SLC7A1: variants seen among roughly 807,000 people sequenced by gnomAD.
SLC7A1 encodes the protein solute carrier family 7 member 1.
SLC7A1 carries 10 observed loss-of-function variants against 53.9 expected under a neutral mutation model. The ratio of observed to expected loss-of-function variants is 0.19; its 90% confidence interval spans 0.11 to 0.31. SLC7A1 has a LOEUF of 0.31. Ranked by LOEUF, SLC7A1 falls within the 10% of genes least tolerant of loss-of-function variation. The pLI is 1.00. For synonymous variants in SLC7A1, 342 were observed against 338.7 expected (o/e 1.01, Z -0.11); for missense variants, 525 against 827.2 (o/e 0.63, Z 4.48).
At position 29,510,396 on chromosome 13, in the gene SLC7A1, G is replaced by C. The variant is rs1376609998; in HGVS notation, c.*4084C>G. On this transcript the variant is annotated 3_prime_UTR_variant, in exon 13 of 13. Transcript: ENST00000380752. Reference sequence around the variant, plus strand: ...AGCTTCTTGCACCACTGGATCAACAGTAATCAATTTCATGACTCGGATAAG... The same window carrying C: ...AGCTTCTTGCACCACTGGATCAACACTAATCAATTTCATGACTCGGATAAG... The C allele has an allele frequency of 6.6e-6, 1 of 152,554 alleles. No homozygotes were observed. The highest frequency in any genetic ancestry group is 2.4e-5 in the African/African-American group (1 of 41,396). 9.5% of individuals were successfully genotyped at this position (152,554 alleles called of 1,614,324 possible).
intron 2 of SLC7A1, among the ~76,000 whole-genome samples, chr13:29,541,406 A>C (rs1380806702): frequency 1.3e-5 from 2 of 152,236 alleles, no homozygotes; most frequent in Non-Finnish European, 2.9e-5. Flanking sequence ...TAAGACCATC[A>C]GAGGACAGGT....
rs113566114 is a variant in SLC7A1 at position 29,543,127 on chromosome 13, G to C, written c.-14-6925C>G. 2.8e-3 allele frequency among the ~76,000 whole-genome samples: 426 copies of C among 152,310 alleles called. 1 individual carries two copies. The highest frequency in any genetic ancestry group is 9.8e-3 in the African/African-American group (407 of 41,568). On this transcript the variant is annotated intron_variant, in intron 2 of 12. Transcript: ENST00000380752. ...GAAAGCACAGAGTGGTGGGGTTGCGGGGGGTGCGAGGCTATGAACATACAC... is the reference window on the plus strand; with the variant it reads ...GAAAGCACAGAGTGGTGGGGTTGCGCGGGGTGCGAGGCTATGAACATACAC...
At chr13:29,540,543 G>A (rs1399159685) in intron 2 of SLC7A1, among the ~76,000 whole-genome samples, 5 of 152,152 alleles carry the variant, frequency 3.3e-5, no homozygotes, top group East Asian at 1.9e-4. Context: ...ATGGTGTGAC[G>A]TTTTCACCTT....
chr13:29,549,859 G>A (rs1283851021), intron 2 of SLC7A1, among the ~76,000 whole-genome samples: 1 of 152,118 alleles, frequency 6.6e-6, no homozygotes, highest in Non-Finnish European at 1.5e-5. Flanking sequence ...TAGAGACGGG[G>A]TTTCACCATG....
At chr13:29,514,636 C>T in intron 12 of SLC7A1, 53 bp from the exon 13 acceptor site, 3 of 1,395,996 alleles carry the variant, frequency 2.1e-6, no homozygotes, top group Non-Finnish European at 3.0e-6. Flanking sequence ...TGCACCACCG[C>T]AGGCAGGGCT....
chr13:29,516,072 T>C, intron 12 of SLC7A1, 66 bp downstream of exon 12: 1 of 942,226 alleles, frequency 1.1e-6, no homozygotes, highest in Non-Finnish European at 1.7e-6. Flanking sequence ...TGTTATGAAA[T>C]CTGAAACAAG....
intron 1 of SLC7A1, among the ~76,000 whole-genome samples, chr13:29,562,832 T>C (rs555913): frequency 0.094 from 14,315 of 152,198 alleles, 745 homozygotes; most frequent in Middle Eastern, 0.16. Flanking sequence ...CTAAAGGAAA[T>C]GTGGTCAAGG....
intron 1 of SLC7A1, among the ~76,000 whole-genome samples, chr13:29,585,339 A>G (rs1400697354): frequency 1.3e-5 from 2 of 152,228 alleles, no homozygotes; most frequent in East Asian, 3.8e-4. Flanking sequence ...TGTGGCTCAT[A>G]TGTCTAAACC....
chr13:29,593,071 C>T (rs1872173702), intron 1 of SLC7A1, among the ~76,000 whole-genome samples: 1 of 152,192 alleles, frequency 6.6e-6, no homozygotes, highest in Admixed American at 6.5e-5. Context: ...GGCTGCAACA[C>T]ACAGGCAGGC....
At chr13:29,545,553 T>C (rs1869880604) in intron 2 of SLC7A1, among the ~76,000 whole-genome samples, 1 of 152,250 alleles carries the variant, frequency 6.6e-6, no homozygotes. Flanking sequence ...CAGAACTCGC[T>C]GCTCTTCAAA....
chr13:29,511,614 G>A lies in SLC7A1; in HGVS notation c.*2866C>T, dbSNP rs1883393489. On this transcript the variant is annotated 3_prime_UTR_variant, in exon 13 of 13. Coordinates refer to ENST00000380752, the MANE Select transcript of SLC7A1 (RefSeq NM_003045.5). ...CGGCTCCCGAGCCAGCTGCCAACAA[G>A]GCCCCCACTGCCTCCCTGGAGACCC... 2 of 152,276 alleles carry A rather than the reference G, an allele frequency of 1.3e-5. No homozygotes were observed. Among genetic ancestry groups the A allele is most frequent in the Non-Finnish European group, 2.9e-5 (2 of 68,120 alleles). The allele number at this position is 152,276 out of a possible 1,614,324, so 9.4% of individuals were successfully genotyped here. A position where few individuals can be genotyped will look rare whatever the true frequency, so the allele number is the denominator to read the frequency against.
chr13:29,534,024 G>T (rs1052717519), intron 3 of SLC7A1, among the ~76,000 whole-genome samples: 2 of 152,040 alleles, frequency 1.3e-5, no homozygotes, highest in Non-Finnish European at 2.9e-5. Context: ...CTCCTAAGCA[G>T]CCAATCTATT....
chr13:29,526,416 G>A (rs1434629068), intron 5 of SLC7A1, among the ~76,000 whole-genome samples: 2 of 152,126 alleles, frequency 1.3e-5, no homozygotes, highest in Non-Finnish European at 2.9e-5. Context: ...AGGCTGCTTT[G>A]AGCCATGATT....
intron 5 of SLC7A1, among the ~76,000 whole-genome samples, chr13:29,528,083 G>A (rs952448332): frequency 4.6e-5 from 7 of 152,234 alleles, no homozygotes; most frequent in Non-Finnish European, 7.3e-5. Flanking sequence ...CCCGCTGACT[G>A]GAGCTGGAGA....
rs777506692 is a variant in SLC7A1 at position 29,535,877 on chromosome 13, G to A, written c.312C>T (p.Thr104=). 5 of 1,614,156 alleles carry A rather than the reference G, an allele frequency of 3.1e-6. No individual in the cohort carries two copies. Among genetic ancestry groups the A allele is most frequent in the South Asian group, 1.1e-5 (1 of 91,080 alleles). ...TGSAYLYSYV[T]VGELWAFITG... is the part of the protein sequence containing the mutation. ...TGATGAAGGCCCAGAGCTCTCCAACGGTGACATAGCTGTAGAGGTAAGCTG... is the reference window on the plus strand; with the variant it reads ...TGATGAAGGCCCAGAGCTCTCCAACAGTGACATAGCTGTAGAGGTAAGCTG... The change falls in exon 3 of 13, where the codon ACC becomes ACT. Residue 104 remains threonine, a synonymous_variant. Coordinates refer to ENST00000380752, the MANE Select transcript of SLC7A1 (RefSeq NM_003045.5).
intron 1 of SLC7A1, among the ~76,000 whole-genome samples, chr13:29,569,932 C>T (rs1871126180): frequency 6.6e-6 from 1 of 152,208 alleles, no homozygotes; most frequent in Non-Finnish European, 1.5e-5. Flanking sequence ...GCAAACAAAG[C>T]ACACGGCTGC....
chr13:29,579,025 GA>G (rs1424163643), intron 1 of SLC7A1, among the ~76,000 whole-genome samples: 3 of 152,200 alleles, frequency 2.0e-5, no homozygotes, highest in African/African-American at 7.2e-5. Flanking sequence ...TTTTCTACAA[GA>G]AACCTTTCAG....
rs1883401245 is a variant in SLC7A1, at chr13:29,511,809, G to A, written c.*2671C>T. 1 of 152,212 alleles carries A rather than the reference G, an allele frequency of 6.6e-6. No individual in the cohort carries two copies. The highest frequency in any genetic ancestry group is 6.5e-5 in the Admixed American group (1 of 15,288). 9.4% of individuals were successfully genotyped at this position (152,212 alleles called of 1,614,324 possible). ...CCCATCACAAATGGGTCTTTCCAATGTGGGTATTTGTGGCTGGTGCACAGA... is the reference window on the plus strand; with the variant it reads ...CCCATCACAAATGGGTCTTTCCAATATGGGTATTTGTGGCTGGTGCACAGA... On this transcript the variant is annotated 3_prime_UTR_variant, in exon 13 of 13. Transcript: ENST00000380752.
intron 1 of SLC7A1, among the ~76,000 whole-genome samples, chr13:29,568,338 G>T (rs643986): frequency 6.6e-6 from 1 of 152,054 alleles, no homozygotes; most frequent in Admixed American, 6.5e-5. Context: ...AAAAAACCAC[G>T]ACGATGTATT....
Sources: gnomAD v4.1 joint callset for allele counts (sites outside exome capture counted in the v4.1 genomes callset) on GRCh38, gnomAD v4.1.1 for gene constraint, MANE v1.5 for transcripts, NCBI Gene and HGNC (gene_info 2026-07-23, HGNC 2026-07-21) for gene names.